The following SIRPA variants were observed in gnomAD, a reference collection of about 807,000 sequenced individuals.
The protein encoded by SIRPA is signal regulatory protein alpha.
A neutral mutation model predicts 50.3 loss-of-function variants in SIRPA; 9 were observed. That is an observed-to-expected ratio of 0.18 (90% CI 0.11 to 0.31). The LOEUF is 0.31. Among genes scored for constraint, SIRPA ranks in the 10% least tolerant of loss-of-function variants. SIRPA has a pLI of 1.00. For missense variants in SIRPA, 474 were observed against 661.6 expected (o/e 0.72, Z 3.11); for synonymous variants, 265 against 284.1 (o/e 0.93, Z 0.68).
In SIRPA at chr20:1,932,323, G is replaced by A. The variant is rs1986340969; in HGVS notation, c.1227-2392G>A. ...AGGTGGGGTCTGGGGCGAGCAGGGAGGGCTTGTCTGCAAGGTGACATTTAG... is the reference window on the plus strand; with the variant it reads ...AGGTGGGGTCTGGGGCGAGCAGGGAAGGCTTGTCTGCAAGGTGACATTTAG... On this transcript the variant is annotated intron_variant, in intron 6 of 7. Transcript: ENST00000358771. This position sits in a 1 kb window ranked among gnomAD's most constrained non-coding sequence, Gnocchi z 6.0. Among the ~76,000 whole-genome samples, 1 of 152,192 alleles carries A rather than the reference G, an allele frequency of 6.6e-6. No individual in the cohort carries two copies. Among genetic ancestry groups the A allele is most frequent in the Non-Finnish European group, 1.5e-5 (1 of 68,032 alleles).
At chr20:1,926,467 G>A (rs1370609691) in intron 5 of SIRPA, among the ~76,000 whole-genome samples, 1 of 152,268 alleles carries the variant, frequency 6.6e-6, no homozygotes, top group Non-Finnish European at 1.5e-5. Flanking sequence ...AGGTGTTGCA[G>A]AGGAATGGAG....
At chr20:1,910,790 C>CTAAA (rs1984843657) in intron 1 of SIRPA, among the ~76,000 whole-genome samples, 2 of 152,292 alleles carry the variant, frequency 1.3e-5, no homozygotes, top group South Asian at 4.1e-4. Flanking sequence ...AGAAAAACCT[C>CTAAA]ATGAGGTTTA....
In SIRPA at chr20:1,915,372, C is replaced by T. The variant is rs138711836; in HGVS notation, c.353C>T (p.Thr118Ile). ...AACATCACCCCAGCAGATGCCGGCA[C>T]CTACTACTGTGTGAAGTTCCGGAAA... ...IGNITPADAG[T>I]YYCVKFRKGS... Residue 118 changes from threonine (T) to isoleucine (I), a missense_variant, in exon 2 of 8, where the codon ACC becomes ATC. Physicochemically the swap from Thr to Ile is moderately conservative, Grantham distance 89. Transcript: ENST00000358771. The T allele has an allele frequency of 4.6e-4, 737 of 1,609,758 alleles. 1 individual carries two copies. The highest frequency in any genetic ancestry group is 5.6e-4 in the Non-Finnish European group (658 of 1,178,338).
intron 1 of SIRPA, among the ~76,000 whole-genome samples, chr20:1,904,959 G>C (rs897011816): frequency 2.6e-5 from 4 of 152,154 alleles, no homozygotes; most frequent in African/African-American, 9.7e-5. Flanking sequence ...GTGTGCTCTG[G>C]GGCAGGTGTC....
chr20:1,922,689 GT>G, intron 4 of SIRPA, 44 bp downstream of exon 4: 1 of 1,533,132 alleles, frequency 6.5e-7, no homozygotes, highest in Non-Finnish European at 8.8e-7. Context: ...TAAACTTTTA[GT>G]TTTGTGGGTT....
chr20:1,900,184 T>C (rs1159037350), intron 1 of SIRPA, among the ~76,000 whole-genome samples: 11 of 145,416 alleles, frequency 7.6e-5, no homozygotes, highest in Non-Finnish European at 1.5e-4. Flanking sequence ...CAACGCAACC[T>C]CCGCCTCCTG....
In SIRPA at chr20:1,938,437, T is replaced by G. The variant is rs1300833608; in HGVS notation, c.*869T>G. 6.6e-6 allele frequency: 1 copy of G among 152,626 alleles called. No individual in the cohort carries two copies. The highest frequency in any genetic ancestry group is 2.4e-5 in the African/African-American group (1 of 41,386). 9.5% of individuals were successfully genotyped at this position (152,626 alleles called of 1,614,324 possible). A position where few individuals can be genotyped will look rare whatever the true frequency, so the allele number is the denominator to read the frequency against. On this transcript the variant is annotated 3_prime_UTR_variant, in exon 8 of 8. Transcript: ENST00000358771. ...TGATCTGTGGTGTTTTGTTTTGTTTTTTTTCTTAAAACAACAGCAACGTGA... is the reference window on the plus strand; with the variant it reads ...TGATCTGTGGTGTTTTGTTTTGTTTGTTTTCTTAAAACAACAGCAACGTGA...
At chr20:1,897,067 T>C (rs1452058046) in intron 1 of SIRPA, among the ~76,000 whole-genome samples, 2 of 152,228 alleles carry the variant, frequency 1.3e-5, no homozygotes, top group Non-Finnish European at 2.9e-5. Context: ...ACCAGGAGGC[T>C]GTGGTTCAGT....
intron 2 of SIRPA, among the ~76,000 whole-genome samples, chr20:1,916,908 A>G (rs906775832): frequency 6.6e-6 from 1 of 152,222 alleles, no homozygotes; most frequent in African/African-American, 2.4e-5. Context: ...CCTAGACATT[A>G]TAACAATCAA....
rs1986129937 is a variant in SIRPA at position 1,928,582 on chromosome 20, G to T, written c.1226+683G>T. 6.6e-6 allele frequency among the ~76,000 whole-genome samples: 1 copy of T among 152,174 alleles called. No individual in the cohort carries two copies. Among genetic ancestry groups the T allele is most frequent in the Non-Finnish European group, 1.5e-5 (1 of 68,020 alleles). ...AAACGCAGAAATAAAGTGATTCATG[G>T]TGTCATATCAGGTGGTGACAACTCC... On this transcript the variant is annotated intron_variant, in intron 6 of 7. Coordinates refer to ENST00000358771, the MANE Select transcript of SIRPA (RefSeq NM_001040023.2). This position sits in a 1 kb window ranked among gnomAD's most constrained non-coding sequence, Gnocchi z 4.9.
chr20:1,922,784 C>T (rs1985745724), intron 4 of SIRPA, 139 bp downstream of exon 4: 1 of 1,048,556 alleles, frequency 9.5e-7, no homozygotes, highest in Non-Finnish European at 1.3e-6. Context: ...TTAATGTCAG[C>T]TCCATTTCCC....
Position 1,904,637 on chromosome 20 carries a change from A to G in SIRPA, c.79+9111A>G, listed in dbSNP as rs570185024. ...TGGGCAGCGTCGATGCTTATTAGCT[A>G]TTGTTACTGCTGTTATGTGATTGTC... On this transcript the variant is annotated intron_variant, in intron 1 of 7. Transcript: ENST00000358771. Among the ~76,000 whole-genome samples, 5 of 152,194 alleles carry G rather than the reference A, an allele frequency of 3.3e-5. No individual in the cohort carries two copies. In the East Asian group the frequency reaches 5.8e-4, roughly 18 times the overall value.
upstream of SIRPA, among the ~76,000 whole-genome samples, chr20:1,895,044 T>C (rs1179257756): frequency 2.0e-5 from 3 of 149,642 alleles, no homozygotes; most frequent in Non-Finnish European, 3.0e-5. Flanking sequence ...CGGTCCTCTC[T>C]CCCGCGCGGT....
At position 1,912,516 on chromosome 20, in the gene SIRPA, G is replaced by T. The variant is rs142282940; in HGVS notation, c.80-2583G>T. Reference sequence around the variant, plus strand: ...TTTTTATCGATGACACTGTGTTTTAGGCAGGAGGTTGGAAACAGTCCCTTG... The same window carrying T: ...TTTTTATCGATGACACTGTGTTTTATGCAGGAGGTTGGAAACAGTCCCTTG... On this transcript the variant is annotated intron_variant, in intron 1 of 7. Coordinates refer to ENST00000358771, the MANE Select transcript of SIRPA (RefSeq NM_001040023.2). Among the ~76,000 whole-genome samples, 374 of 152,368 alleles carry T rather than the reference G, an allele frequency of 2.5e-3. 1 individual carries two copies. The highest frequency in any genetic ancestry group is 8.7e-3 in the African/African-American group (363 of 41,594).
chr20:1,919,384 T>G (rs958047586), intron 2 of SIRPA, among the ~76,000 whole-genome samples: 3 of 152,182 alleles, frequency 2.0e-5, no homozygotes, highest in Non-Finnish European at 4.4e-5. Context: ...GAAAAGATGG[T>G]CCTCTTGGGG....
chr20:1,925,237 G>A (rs1482411859), intron 5 of SIRPA, among the ~76,000 whole-genome samples: 1 of 152,186 alleles, frequency 6.6e-6, no homozygotes, highest in Non-Finnish European at 1.5e-5. Context: ...CTGCTTTCCT[G>A]GTACAAGTCT....
chr20:1,909,359 G>C (rs1319340892), intron 1 of SIRPA, among the ~76,000 whole-genome samples: 1 of 152,252 alleles, frequency 6.6e-6, no homozygotes, highest in Non-Finnish European at 1.5e-5. Context: ...TGGGAAATGT[G>C]CCTGTTGGCT....
At chr20:1,907,312 G>A (rs1266739260) in intron 1 of SIRPA, among the ~76,000 whole-genome samples, 1 of 152,216 alleles carries the variant, frequency 6.6e-6, no homozygotes, top group Non-Finnish European at 1.5e-5. Context: ...GTTTGTCCCT[G>A]CCCAATGGGT....
In SIRPA at chr20:1,898,564, C is replaced by T. The variant is rs182839796; in HGVS notation, c.79+3038C>T. ...TCCCCATTCTGCAGATGCAGAAAAT[C>T]GAGTCCCAAACTGGGGAACTAACTT... is the stretch of plus-strand genomic sequence containing the variant. On this transcript the variant is annotated intron_variant, in intron 1 of 7. Coordinates refer to ENST00000358771, the MANE Select transcript of SIRPA (RefSeq NM_001040023.2). The surrounding 1 kb of genome is among the most constrained non-coding windows in gnomAD (Gnocchi z 4.3). Among the ~76,000 whole-genome samples, 17 of 152,226 alleles carry T rather than the reference C, an allele frequency of 1.1e-4. 1 individual carries two copies. The South Asian group carries it at 1.4e-3, about 13-fold the overall frequency.
Sources: gnomAD v4.1 joint callset for allele counts (sites outside exome capture counted in the v4.1 genomes callset) on GRCh38, gnomAD v4.1.1 for gene constraint, Gnocchi (gnomAD v3.1) non-coding constraint, MANE v1.5 for transcripts, NCBI Gene and HGNC (gene_info 2026-07-23, HGNC 2026-07-21) for gene names.